The following ADGRL3 variants were observed in gnomAD, a reference collection of about 807,000 sequenced individuals.
The protein encoded by ADGRL3 is adhesion G protein-coupled receptor L3.
Under a neutral mutation model 153.5 loss-of-function variants are expected in ADGRL3, and 62 were observed. The ratio of observed to expected loss-of-function variants is 0.40; its 90% CI spans 0.33 to 0.50. ADGRL3 has a LOEUF of 0.50. Ranked by LOEUF, ADGRL3 falls within the 20% of genes least tolerant of loss-of-function variation. ADGRL3 has a pLI of 0.47. For synonymous variants in ADGRL3, 710 were observed against 672.5 expected (o/e 1.06, Z -0.86); for missense variants, 1,641 against 1,859.4 (o/e 0.88, Z 2.16).
At chr4:61,949,162 A>G (rs942350329) in intron 17 of ADGRL3, among the ~76,000 whole-genome samples, 2 of 152,170 alleles carry the variant, frequency 1.3e-5, no homozygotes, top group African/African-American at 4.8e-5. Flanking sequence ...CTTCATGGCC[A>G]GAGATGTTTG....
intron 9 of ADGRL3, among the ~76,000 whole-genome samples, chr4:61,887,469 A>G (rs569098964): frequency 6.6e-6 from 1 of 152,152 alleles, no homozygotes; most frequent in East Asian, 1.9e-4. Context: ...ATATTTTCTC[A>G]TTTTTAAAAC....
chr4:62,003,197 C>T (rs1278911503), intron 21 of ADGRL3, among the ~76,000 whole-genome samples: 2 of 152,134 alleles, frequency 1.3e-5, no homozygotes, highest in Non-Finnish European at 2.9e-5. Flanking sequence ...TGCGCCTTCT[C>T]ATCAAAGGAC....
At chr4:61,970,782 G>C (rs1158263661) in intron 17 of ADGRL3, among the ~76,000 whole-genome samples, 1 of 152,064 alleles carries the variant, frequency 6.6e-6, no homozygotes, top group Non-Finnish European at 1.5e-5. Flanking sequence ...TTCTTACTGG[G>C]TTACCCAACT....
In ADGRL3 at chr4:61,367,682, A is replaced by G. The variant is rs1269977712; in HGVS notation, c.-239-15442A>G. ...TTCCAAGTCTTTGCTATTGTGAATA[A>G]TGCCACAATAAACATACGTGTGCAT... On this transcript the variant is annotated intron_variant, in intron 1 of 26. Coordinates refer to ENST00000683033, the MANE Select transcript of ADGRL3 (RefSeq NM_001387552.1). 2.0e-5 allele frequency among the ~76,000 whole-genome samples: 3 copies of G among 146,596 alleles called. No individual in the cohort carries two copies. The Admixed American group carries it at 2.1e-4, about 10-fold the overall frequency.
At chr4:61,915,321 T>C (rs1196214286) in intron 13 of ADGRL3, among the ~76,000 whole-genome samples, 1 of 148,790 alleles carries the variant, frequency 6.7e-6, no homozygotes, top group African/African-American at 2.4e-5. Flanking sequence ...TATATATCAA[T>C]ATATATCTAT....
intron 4 of ADGRL3, among the ~76,000 whole-genome samples, chr4:61,580,883 C>A (rs979913092): frequency 1.3e-5 from 2 of 151,992 alleles, no homozygotes; most frequent in Non-Finnish European, 2.9e-5. Flanking sequence ...ATCACATACT[C>A]ATTTATACCA....
chr4:61,342,916 A>G (rs920438199), intron 1 of ADGRL3, among the ~76,000 whole-genome samples: 3 of 152,162 alleles, frequency 2.0e-5, no homozygotes, highest in Admixed American at 6.6e-5. Context: ...TAATTGACTC[A>G]CAGTTCCACA....
intron 1 of ADGRL3, among the ~76,000 whole-genome samples, chr4:61,249,232 G>C (rs887080997): frequency 6.6e-6 from 1 of 151,994 alleles, no homozygotes; most frequent in African/African-American, 2.4e-5. Context: ...CATTGTGTTC[G>C]GCAAAATCTT....
At chr4:61,365,294 C>A (rs1212321442) in intron 1 of ADGRL3, among the ~76,000 whole-genome samples, 1 of 151,914 alleles carries the variant, frequency 6.6e-6, no homozygotes, top group Non-Finnish European at 1.5e-5. Context: ...AGAAGTTTAA[C>A]TGATTGTTCT....
At chr4:61,227,448 A>C (rs1748507476) in intron 1 of ADGRL3, among the ~76,000 whole-genome samples, 1 of 152,050 alleles carries the variant, frequency 6.6e-6, no homozygotes, top group Non-Finnish European at 1.5e-5. Context: ...GACTCAAGCG[A>C]TCCTTCCTCC....
At chr4:61,506,973 T>C (rs1485937038) in intron 3 of ADGRL3, among the ~76,000 whole-genome samples, 1 of 152,130 alleles carries the variant, frequency 6.6e-6, no homozygotes, top group Non-Finnish European at 1.5e-5. Flanking sequence ...AAAGAACAAA[T>C]AGTCTACTTT....
At chr4:61,572,631 C>T (rs2098843808) in intron 4 of ADGRL3, among the ~76,000 whole-genome samples, 1 of 151,756 alleles carries the variant, frequency 6.6e-6, no homozygotes, top group Non-Finnish European at 1.5e-5. Flanking sequence ...AAATTTTAAC[C>T]CATGGCCTCT....
chr4:61,802,446 C>G (rs1455268535), intron 8 of ADGRL3, among the ~76,000 whole-genome samples: 1 of 152,092 alleles, frequency 6.6e-6, no homozygotes, highest in East Asian at 1.9e-4. Context: ...GTGATTGGCT[C>G]CTTTTTCAGA....
intron 1 of ADGRL3, among the ~76,000 whole-genome samples, chr4:61,216,675 A>AT (rs1742944777): frequency 6.6e-6 from 1 of 152,216 alleles, no homozygotes; most frequent in Admixed American, 6.5e-5. Flanking sequence ...CAGTAATAAA[A>AT]ATATATATGC....
intron 8 of ADGRL3, among the ~76,000 whole-genome samples, chr4:61,767,398 T>C (rs2097004857): frequency 3.3e-5 from 5 of 151,968 alleles, no homozygotes; most frequent in South Asian, 4.1e-4. Context: ...ACAACAGTTA[T>C]GGAGGCAAGG....
intron 8 of ADGRL3, among the ~76,000 whole-genome samples, chr4:61,739,005 C>CTAT: frequency 6.6e-6 from 1 of 152,208 alleles, no homozygotes; most frequent in Non-Finnish European, 1.5e-5. Context: ...CTGTTGTCAC[C>CTAT]TATTCTGCAT....
intron 8 of ADGRL3, among the ~76,000 whole-genome samples, chr4:61,801,736 T>C (rs2097500140): frequency 6.6e-6 from 1 of 152,164 alleles, no homozygotes; most frequent in Admixed American, 6.6e-5. Flanking sequence ...ACAACTTATA[T>C]TTGTTAAGGG....
intron 1 of ADGRL3, among the ~76,000 whole-genome samples, chr4:61,283,670 T>C (rs1214688738): frequency 6.6e-6 from 1 of 151,904 alleles, no homozygotes; most frequent in East Asian, 1.9e-4. Flanking sequence ...TTATTCAAGT[T>C]CAAGGATAAA....
At chr4:61,445,485 G>C (rs2097572152) in intron 2 of ADGRL3, among the ~76,000 whole-genome samples, 1 of 152,214 alleles carries the variant, frequency 6.6e-6, no homozygotes, top group Non-Finnish European at 1.5e-5. Context: ...CAAAGAAAAA[G>C]ATGTAATAGG....
Sources: gnomAD v4.1 joint callset for allele counts (sites outside exome capture counted in the v4.1 genomes callset) on GRCh38, gnomAD v4.1.1 for gene constraint, MANE v1.5 for transcripts, NCBI Gene and HGNC (gene_info 2026-07-23, HGNC 2026-07-21) for gene names.